Variants in DPY19L1 observed in about 807,000 individuals in gnomAD.
DPY19L1 encodes the protein dpy-19 like C-mannosyltransferase 1.
Under a neutral mutation model 96.9 loss-of-function variants are expected in DPY19L1, and 35 were observed. The observed-to-expected ratio is 0.36, with a 90% CI of 0.28 to 0.48. The LOEUF (loss-of-function observed/expected upper bound fraction) is 0.48. Ranked by LOEUF, DPY19L1 falls within the 20% of genes least tolerant of loss-of-function variation. The pLI is 0.99. For missense variants in DPY19L1, 521 were observed against 777.9 expected (o/e 0.67, Z 3.93); for synonymous variants, 205 against 252.6 (o/e 0.81, Z 1.79).
intron 7 of DPY19L1, among the ~76,000 whole-genome samples, chr7:34,978,928 G>A (rs1319124292): frequency 1.3e-5 from 2 of 152,038 alleles, no homozygotes; most frequent in East Asian, 1.9e-4. Context: ...GTACTGATAA[G>A]CTGCTCAATT....
intron 21 of DPY19L1, among the ~76,000 whole-genome samples, chr7:34,932,072 G>C (rs1323005004): frequency 1.3e-5 from 2 of 152,184 alleles, no homozygotes; most frequent in Non-Finnish European, 2.9e-5. Context: ...TTTCACATTT[G>C]TAAAATGGGG....
chr7:35,007,893 G>A (rs1785604043), intron 6 of DPY19L1, among the ~76,000 whole-genome samples: 1 of 151,896 alleles, frequency 6.6e-6, no homozygotes, highest in Non-Finnish European at 1.5e-5. Context: ...GTCAATTTTT[G>A]TACTTATTTC....
At position 34,973,717 on chromosome 7, in the gene DPY19L1, G is replaced by T. The variant is rs903171245; in HGVS notation, c.823-112C>A. On this transcript the variant is annotated intron_variant, in intron 7 of 21. Transcript: ENST00000638088. Reference sequence around the variant, plus strand: ...TTTTAACAAATAATTTAAACGGTGTGTTGTAAAACAAACTACTGGACTTTA... The same window carrying T: ...TTTTAACAAATAATTTAAACGGTGTTTTGTAAAACAAACTACTGGACTTTA... 7 of 519,306 alleles carry T rather than the reference G, an allele frequency of 1.3e-5. No individual in the cohort carries two copies. In the African/African-American group the frequency reaches 1.4e-4, roughly 10 times the overall value. 32.2% of individuals were successfully genotyped at this position (519,306 alleles called of 1,614,324 possible). A position where few individuals can be genotyped will look rare whatever the true frequency, so the allele number is the denominator to read the frequency against.
chr7:34,994,111 AG>A (rs1204748998), intron 6 of DPY19L1, among the ~76,000 whole-genome samples: 2 of 152,206 alleles, frequency 1.3e-5, no homozygotes, highest in African/African-American at 4.8e-5. Context: ...AAGTACTAAA[AG>A]TTAAAACTTC....
At chr7:34,947,337 T>G (rs1369946264) in intron 15 of DPY19L1, among the ~76,000 whole-genome samples, 1 of 152,186 alleles carries the variant, frequency 6.6e-6, no homozygotes, top group Non-Finnish European at 1.5e-5. Context: ...CAGTAATAAT[T>G]TACACAGGCA....
At chr7:34,971,099 C>T (rs1265179032) in intron 8 of DPY19L1, among the ~76,000 whole-genome samples, 1 of 152,132 alleles carries the variant, frequency 6.6e-6, no homozygotes, top group Admixed American at 6.5e-5. Flanking sequence ...CTCCACCAAG[C>T]CATCGCCACC....
intron 5 of DPY19L1, among the ~76,000 whole-genome samples, chr7:35,010,809 T>C (rs150358107): frequency 3.9e-3 from 588 of 150,350 alleles, no homozygotes; most frequent in African/African-American, 0.014. Flanking sequence ...ATGGGGTCTA[T>C]AGCCCCCATT....
rs1034232113 is a variant in DPY19L1, at chr7:34,930,061, G to A, written c.*1512C>T. 1 of 152,258 alleles carries A rather than the reference G, an allele frequency of 6.6e-6. No individual in the cohort carries two copies. The highest frequency in any genetic ancestry group is 2.4e-5 in the African/African-American group (1 of 41,448). 9.4% of individuals were successfully genotyped at this position (152,258 alleles called of 1,614,324 possible). ...GCCTGCCCTTGGGCTCTGGTAAGAA[G>A]GTAGAAAGGGAACAGCGGCTTCCAG... On this transcript the variant is annotated 3_prime_UTR_variant, in exon 22 of 22. Coordinates refer to ENST00000638088, the MANE Select transcript of DPY19L1 (RefSeq NM_001366673.1).
intron 1 of DPY19L1, among the ~76,000 whole-genome samples, chr7:35,024,434 C>A (rs184161537): frequency 7.9e-5 from 12 of 152,288 alleles, no homozygotes; most frequent in Middle Eastern, 6.8e-3. Context: ...AAGTTTCTTT[C>A]CGGAAGCTGA....
Position 34,938,122 on chromosome 7 carries a change from T to A in DPY19L1, c.1965-3A>T, listed in dbSNP as rs1783911858. Reference sequence around the variant, plus strand: ...AGTATACTATTTTTGTTCTGGCTCTTTAAAGAAAAATAATTGGGCATAAAA... The same window carrying A: ...AGTATACTATTTTTGTTCTGGCTCTATAAAGAAAAATAATTGGGCATAAAA... On this transcript the variant is annotated splice_polypyrimidine_tract_variant and splice_region_variant and intron_variant, in intron 20 of 21. Coordinates refer to ENST00000638088, the MANE Select transcript of DPY19L1 (RefSeq NM_001366673.1). 2 of 1,610,406 alleles carry A rather than the reference T, an allele frequency of 1.2e-6. No homozygotes were observed. Among genetic ancestry groups the A allele is most frequent in the Non-Finnish European group, 1.7e-6 (2 of 1,179,122 alleles).
intron 3 of DPY19L1, among the ~76,000 whole-genome samples, chr7:35,017,264 C>A (rs1403841129): frequency 2.6e-5 from 4 of 151,328 alleles, no homozygotes; most frequent in South Asian, 2.1e-4. Context: ...GAGGCCGAGG[C>A]GGGTGGATCA....
At chr7:35,018,746 T>C in intron 1 of DPY19L1, 150 bp from the exon 2 acceptor site, 1 of 665,178 alleles carries the variant, frequency 1.5e-6, no homozygotes, top group South Asian at 2.0e-5. Context: ...ACGTTTAAAA[T>C]TGTGATTGAC....
Position 34,932,664 on chromosome 7 carries a change from C to A in DPY19L1, c.2091-935G>T, listed in dbSNP as rs1379939198. 2.0e-5 allele frequency among the ~76,000 whole-genome samples: 3 copies of A among 152,150 alleles called. No individual in the cohort carries two copies. In the East Asian group the frequency reaches 5.8e-4, roughly 29 times the overall value. On this transcript the variant is annotated intron_variant, in intron 21 of 21. Coordinates refer to ENST00000638088, the MANE Select transcript of DPY19L1 (RefSeq NM_001366673.1). ...TAATTAAATCTCAAAAGCAACATAT[C>A]TTTATAAATTGGCATATGACATTTG...
At chr7:34,943,773 C>T (rs2557767) in intron 16 of DPY19L1, among the ~76,000 whole-genome samples, 8,172 of 152,200 alleles carry the variant, frequency 0.054, 338 homozygotes, top group African/African-American at 0.12. Context: ...GAAGTTCCAC[C>T]TTCCTCTTCC....
intron 11 of DPY19L1, 25 bp downstream of exon 11, chr7:34,957,959 C>CA: frequency 6.9e-7 from 1 of 1,444,340 alleles, no homozygotes; most frequent in Non-Finnish European, 9.5e-7. Context: ...CAAAAACAGC[C>CA]ATATAAGTGT....
chr7:35,025,731 C>T (rs1458105411), intron 1 of DPY19L1, among the ~76,000 whole-genome samples: 3 of 152,158 alleles, frequency 2.0e-5, no homozygotes, highest in Non-Finnish European at 2.9e-5. Flanking sequence ...TTCAGCACTC[C>T]AAGAACAGCA....
intron 21 of DPY19L1, among the ~76,000 whole-genome samples, chr7:34,935,678 G>A (rs1783854144): frequency 1.3e-5 from 2 of 151,994 alleles, no homozygotes; most frequent in South Asian, 2.1e-4. Context: ...ATACTTTCAC[G>A]TCCCAGCAAT....
intron 7 of DPY19L1, 27 bp from the exon 8 acceptor site, chr7:34,973,632 A>C (rs1174627774): frequency 3.1e-6 from 4 of 1,284,492 alleles, no homozygotes; most frequent in Non-Finnish European, 4.1e-6. Context: ...GTAGTATAGT[A>C]TACTTGCTAA....
chr7:35,005,636 TAAAAAAAAA>T (rs755623073), intron 6 of DPY19L1, among the ~76,000 whole-genome samples: 2 of 84,482 alleles, frequency 2.4e-5, no homozygotes, highest in Admixed American at 1.2e-4. Flanking sequence ...CTGTCTCTAC[TAAAAAAAAA>T]AAAAAAAAAA....
Sources: allele counts gnomAD v4.1 joint callset (sites outside exome capture counted in the v4.1 genomes callset), GRCh38; gene constraint gnomAD v4.1.1; transcripts MANE v1.5; gene names NCBI Gene and HGNC (gene_info 2026-07-23, HGNC 2026-07-21).